The following EBF3 variants were observed in gnomAD, a reference collection of about 807,000 sequenced individuals.
EBF3 encodes the protein EBF transcription factor 3.
A neutral mutation model predicts 77.1 loss-of-function variants in EBF3; 18 were observed. The ratio of observed to expected loss-of-function variants is 0.23; its 90% confidence interval spans 0.16 to 0.35. EBF3 has a LOEUF of 0.35. Ranked by LOEUF, EBF3 falls within the 10% of genes least tolerant of loss-of-function variation. The probability of loss-of-function intolerance (pLI) is 1.00; values close to 1 mark genes in which losing one functional copy is unlikely to be tolerated. For synonymous variants in EBF3, 350 were observed against 343.5 expected (o/e 1.02, Z -0.21); for missense variants, 558 against 860.0 (o/e 0.65, Z 4.39).
chr10:129,861,563 A>T lies in EBF3; in HGVS notation c.1039+5578T>A, dbSNP rs2134043996. On this transcript the variant is annotated intron_variant, in intron 10 of 16. Coordinates refer to ENST00000440978, the MANE Select transcript of EBF3 (RefSeq NM_001375380.1). This position sits in a 1 kb window ranked among gnomAD's most constrained non-coding sequence, Gnocchi z 4.3. ...TCTATTCTTGGGGGGTTCACTGGGG[A>T]TCATGGGGGGGACACAGACATCCTT... is the stretch of plus-strand genomic sequence containing the variant. 7.1e-6 allele frequency among the ~76,000 whole-genome samples: 1 copy of T among 140,718 alleles called. No homozygotes were observed. Among genetic ancestry groups the T allele is most frequent in the South Asian group, 2.5e-4 (1 of 3,926 alleles). The allele number at this position is 140,718 out of a possible 152,430, so 92.3% of individuals were successfully genotyped here. A position where few individuals can be genotyped will look rare whatever the true frequency, so the allele number is the denominator to read the frequency against.
intron 5 of EBF3, 32 bp from the exon 6 acceptor site, chr10:129,957,358 A>G: frequency 3.2e-6 from 5 of 1,551,988 alleles, no homozygotes; most frequent in Non-Finnish European, 4.4e-6. Flanking sequence ...TGGTTTTAAT[A>G]TGCATTTCCC....
chr10:129,950,634 GAAC>G (rs1476541879), intron 6 of EBF3, among the ~76,000 whole-genome samples: 6 of 151,770 alleles, frequency 4.0e-5, no homozygotes, highest in South Asian at 4.2e-4. Flanking sequence ...AATTCAACAA[GAAC>G]AACAACAAAA....
chr10:129,918,398 T>C (rs994263953), intron 6 of EBF3, among the ~76,000 whole-genome samples: 2 of 152,174 alleles, frequency 1.3e-5, no homozygotes, highest in African/African-American at 2.4e-5. Context: ...TCATGTTTAA[T>C]GTAACTTAGG....
rs1273056777 is a variant in EBF3, at chr10:129,897,754, T to C, written c.555-19905A>G. ...CCCAAATGTCAAAGCCTGAATATTT[T>C]CCCCAGTTTCTTGAAATGACATCTT... On this transcript the variant is annotated intron_variant, in intron 6 of 16. Coordinates refer to ENST00000440978, the MANE Select transcript of EBF3 (RefSeq NM_001375380.1). The surrounding 1 kb of genome is among the most constrained non-coding windows in gnomAD (Gnocchi z 4.6). 6.6e-6 allele frequency among the ~76,000 whole-genome samples: 1 copy of C among 152,128 alleles called. No homozygotes were observed. Among genetic ancestry groups the C allele is most frequent in the Non-Finnish European group, 1.5e-5 (1 of 68,026 alleles).
intron 6 of EBF3, among the ~76,000 whole-genome samples, chr10:129,926,654 G>A (rs1388376512): frequency 6.6e-6 from 1 of 152,118 alleles, no homozygotes; most frequent in Admixed American, 6.5e-5. Flanking sequence ...GGGCGGCTGG[G>A]ACAGGCTTAC....
chr10:129,903,909 A>T (rs1197100354), intron 6 of EBF3, among the ~76,000 whole-genome samples: 1 of 152,176 alleles, frequency 6.6e-6, no homozygotes, highest in Non-Finnish European at 1.5e-5. Context: ...CAGCCAGTGA[A>T]GTCCCCTCTC....
chr10:129,840,763 G>C, intron 14 of EBF3, 81 bp downstream of exon 14: 1 of 1,524,484 alleles, frequency 6.6e-7, no homozygotes, highest in Non-Finnish European at 8.9e-7. Context: ...TCACATCACA[G>C]AACATCCAAG....
intron 6 of EBF3, among the ~76,000 whole-genome samples, chr10:129,906,021 G>A (rs1204566224): frequency 6.6e-6 from 1 of 152,186 alleles, no homozygotes; most frequent in Non-Finnish European, 1.5e-5. Flanking sequence ...GTGAATAAAA[G>A]CAGCCTTACT....
At chr10:129,945,140 GGAGGGGAGGGGAGAA>G (rs1283648763) in intron 6 of EBF3, among the ~76,000 whole-genome samples, 1 of 81,684 alleles carries the variant, frequency 1.2e-5, no homozygotes, top group Non-Finnish European at 2.5e-5. Flanking sequence ...GGCAGGGAGG[GGAGGGGAGGGGAGAA>G]GAGGGGAGGG....
intron 6 of EBF3, among the ~76,000 whole-genome samples, chr10:129,892,975 C>G (rs1031682470): frequency 1.8e-4 from 27 of 152,248 alleles, no homozygotes; most frequent in African/African-American, 6.0e-4. Flanking sequence ...ACGGGCTAAT[C>G]TGGCACACAC....
At chr10:129,876,788 G>A (rs1164283020) in intron 7 of EBF3, among the ~76,000 whole-genome samples, 1 of 149,500 alleles carries the variant, frequency 6.7e-6, no homozygotes, top group Non-Finnish European at 1.5e-5. Context: ...CATCCAATGT[G>A]TTTACCCTGA....
Position 129,963,585 on chromosome 10 carries a change from G to T in EBF3, c.134+50C>A, listed in dbSNP as rs763996767. On this transcript the variant is annotated intron_variant, in intron 1 of 16. Transcript: ENST00000440978. This position sits in a 1 kb window ranked among gnomAD's most constrained non-coding sequence, Gnocchi z 7.1. ...GCGGCGCCGGCCGGCGGAGGGGGCC[G>T]GGCCGGGCCGGGGCCGGGGCCAGGG... The T allele has an allele frequency of 1.6e-6, 2 of 1,244,906 alleles. No individual in the cohort carries two copies. Among genetic ancestry groups the T allele is most frequent in the East Asian group, 4.3e-5 (1 of 23,370 alleles). The allele number at this position is 1,244,906 out of a possible 1,614,324, so 77.1% of individuals were successfully genotyped here.
rs906307380 is a variant in EBF3 at position 129,837,870 on chromosome 10, C to T, written c.*73G>A. 46 of 1,606,462 alleles carry T rather than the reference C, an allele frequency of 2.9e-5. 1 individual carries two copies. The Admixed American group carries it at 5.7e-4, about 20-fold the overall frequency. Reference sequence around the variant, plus strand: ...CATCAGCATGTCTTAATATACTAAACGTGTCCCCTGAAGTCCGTCCTTTGA... The same window carrying T: ...CATCAGCATGTCTTAATATACTAAATGTGTCCCCTGAAGTCCGTCCTTTGA... On this transcript the variant is annotated 3_prime_UTR_variant, in exon 17 of 17. Transcript: ENST00000440978.
At position 129,963,207 on chromosome 10, in the gene EBF3, C is replaced by A; in HGVS notation, c.291+160G>T. 8.2e-7 allele frequency: 1 copy of A among 1,220,140 alleles called. No individual in the cohort carries two copies. Among genetic ancestry groups the A allele is most frequent in the Non-Finnish European group, 1.1e-6 (1 of 907,948 alleles). 75.6% of individuals were successfully genotyped at this position (1,220,140 alleles called of 1,614,324 possible). ...AAGTCCGAGGGCGCAGAGAAGTTGC[C>A]CAGCCCTCGGCGGTCCCGGGCGGCC... On this transcript the variant is annotated intron_variant, in intron 2 of 16. Transcript: ENST00000440978. This position sits in a 1 kb window ranked among gnomAD's most constrained non-coding sequence, Gnocchi z 7.1.
At chr10:129,886,033 ATTTTTT>A (rs59542647) in intron 6 of EBF3, among the ~76,000 whole-genome samples, 19 of 126,294 alleles carry the variant, frequency 1.5e-4, no homozygotes, top group Non-Finnish European at 2.3e-4. Flanking sequence ...TTTGGTTTTA[ATTTTTT>A]TTTTTTTTTT....
chr10:129,876,652 A>G (rs750377900), intron 7 of EBF3, among the ~76,000 whole-genome samples: 26 of 152,240 alleles, frequency 1.7e-4, no homozygotes, highest in Non-Finnish European at 2.6e-4. Flanking sequence ...TAAATCCCAA[A>G]CAGGAATCAT....
At chr10:129,868,507 G>A (rs1564840610) in intron 8 of EBF3, among the ~76,000 whole-genome samples, 1 of 152,194 alleles carries the variant, frequency 6.6e-6, no homozygotes, top group Non-Finnish European at 1.5e-5. Flanking sequence ...AGGGATCCCC[G>A]CGCCGCTGGC....
In EBF3 at chr10:129,896,164, G is replaced by T. The variant is rs578247197; in HGVS notation, c.555-18315C>A. On this transcript the variant is annotated intron_variant, in intron 6 of 16. Coordinates refer to ENST00000440978, the MANE Select transcript of EBF3 (RefSeq NM_001375380.1). ...TTATGAAGAAGTCAAAATGCAGGGTGGGGGGAAGGGGCTTTTATGATCCAT... is the reference window on the plus strand; with the variant it reads ...TTATGAAGAAGTCAAAATGCAGGGTTGGGGGAAGGGGCTTTTATGATCCAT... Among the ~76,000 whole-genome samples, 7 of 152,222 alleles carry T rather than the reference G, an allele frequency of 4.6e-5. No homozygotes were observed. The South Asian group carries it at 1.2e-3, about 27-fold the overall frequency.
rs1853052552 is a variant in EBF3 at position 129,879,619 on chromosome 10, T to C, written c.555-1770A>G. ...CATTTTAGGCCAGAATTTACATCTTTTATTAACTCACCTCACCTATACACT... is the reference window on the plus strand; with the variant it reads ...CATTTTAGGCCAGAATTTACATCTTCTATTAACTCACCTCACCTATACACT... On this transcript the variant is annotated intron_variant, in intron 6 of 16. Transcript: ENST00000440978. This position sits in a 1 kb window ranked among gnomAD's most constrained non-coding sequence, Gnocchi z 4.7. 1.3e-5 allele frequency among the ~76,000 whole-genome samples: 2 copies of C among 152,152 alleles called. No individual in the cohort carries two copies. Among genetic ancestry groups the C allele is most frequent in the Admixed American group, 6.5e-5 (1 of 15,282 alleles).
Sources: allele counts gnomAD v4.1 joint callset (sites outside exome capture counted in the v4.1 genomes callset), GRCh38; gene constraint gnomAD v4.1.1; non-coding constraint Gnocchi (gnomAD v3.1); transcripts MANE v1.5; gene names NCBI Gene and HGNC (gene_info 2026-07-23, HGNC 2026-07-21).